KIF6: variants seen among roughly 807,000 people sequenced by gnomAD.
KIF6 encodes kinesin-like protein KIF6.
A neutral mutation model predicts 112.7 loss-of-function variants in KIF6; 106 were observed. The ratio of observed to expected loss-of-function variants is 0.94; its 90% CI spans 0.80 to 1.11. The LOEUF is 1.11. Among genes scored for constraint, KIF6 ranks in the 50% least tolerant of loss-of-function variants. The pLI is 0.00. For synonymous variants in KIF6, 339 were observed against 339.9 expected (o/e 1.00, Z 0.03); for missense variants, 929 against 964.0 (o/e 0.96, Z 0.48).
chr6:39,403,898 A>G (rs1017793769), intron 15 of KIF6, among the ~76,000 whole-genome samples: 1 of 152,238 alleles, frequency 6.6e-6, no homozygotes, highest in African/African-American at 2.4e-5. Flanking sequence ...CTCTAATGCT[A>G]ATGAGGGGGA....
chr6:39,362,571 G>T, intron 16 of KIF6, 53 bp from the exon 17 acceptor site: 2 of 1,330,648 alleles, frequency 1.5e-6, no homozygotes, highest in Non-Finnish European at 2.2e-6. Context: ...AAAAGGAAGA[G>T]TGTGATATTT....
chr6:39,409,883 T>C (rs1769358275), intron 15 of KIF6, among the ~76,000 whole-genome samples: 1 of 152,218 alleles, frequency 6.6e-6, no homozygotes, highest in Non-Finnish European at 1.5e-5. Flanking sequence ...TCAGCATCAC[T>C]GACAAAACCC....
At chr6:39,368,417 G>A (rs1218215984) in intron 16 of KIF6, among the ~76,000 whole-genome samples, 1 of 152,194 alleles carries the variant, frequency 6.6e-6, no homozygotes, top group African/African-American at 2.4e-5. Flanking sequence ...GGCTCTGTCC[G>A]ATTTCAAAGC....
intron 3 of KIF6, among the ~76,000 whole-genome samples, chr6:39,702,937 G>GTA (rs1182554282): frequency 6.6e-6 from 1 of 152,086 alleles, no homozygotes; most frequent in East Asian, 1.9e-4. Context: ...GTTGGATGCA[G>GTA]TAGGTAAAGT....
intron 15 of KIF6, among the ~76,000 whole-genome samples, chr6:39,399,465 A>G (rs991939734): frequency 4.6e-5 from 7 of 152,204 alleles, no homozygotes; most frequent in Non-Finnish European, 1.0e-4. Context: ...TGGCACCCCC[A>G]TTGAGAAACG....
At chr6:39,608,097 AC>A (rs1301407455) in intron 6 of KIF6, among the ~76,000 whole-genome samples, 1 of 152,026 alleles carries the variant, frequency 6.6e-6, no homozygotes, top group African/African-American at 2.4e-5. Flanking sequence ...CCCAACTCAC[AC>A]CCTGTCTCCC....
intron 3 of KIF6, among the ~76,000 whole-genome samples, chr6:39,677,577 A>G (rs951865477): frequency 2.7e-5 from 4 of 147,990 alleles, no homozygotes; most frequent in African/African-American, 1.0e-4. Context: ...ACATGTGCAC[A>G]TTGTGCAGGT....
chr6:39,526,505 A>G (rs1160012200), intron 13 of KIF6, among the ~76,000 whole-genome samples: 1 of 152,188 alleles, frequency 6.6e-6, no homozygotes, highest in Non-Finnish European at 1.5e-5. Context: ...TGAAGACCTT[A>G]ATGGGATCAC....
intron 13 of KIF6, among the ~76,000 whole-genome samples, chr6:39,438,765 A>T (rs1007955488): frequency 6.6e-6 from 1 of 152,254 alleles, no homozygotes; most frequent in African/African-American, 2.4e-5. Flanking sequence ...AAATACACAT[A>T]GTGTACAGTA....
At chr6:39,437,089 G>C (rs1437405251) in intron 13 of KIF6, among the ~76,000 whole-genome samples, 2 of 151,780 alleles carry the variant, frequency 1.3e-5, no homozygotes, top group African/African-American at 2.4e-5. Flanking sequence ...CACCTCATTT[G>C]TTACATATAT....
chr6:39,633,587 C>T (rs72852146), intron 5 of KIF6, among the ~76,000 whole-genome samples: 3,859 of 152,258 alleles, frequency 0.025, 52 homozygotes, highest in Non-Finnish European at 0.036. Flanking sequence ...AAAGTGATTT[C>T]AGTATTTTCA....
chr6:39,410,591 T>C (rs1452944995), intron 15 of KIF6, among the ~76,000 whole-genome samples: 1 of 152,206 alleles, frequency 6.6e-6, no homozygotes, highest in African/African-American at 2.4e-5. Context: ...ATGAAAGCAA[T>C]GGAGGAACTC....
intron 10 of KIF6, among the ~76,000 whole-genome samples, chr6:39,553,575 T>G (rs1321951686): frequency 2.0e-5 from 3 of 152,202 alleles, no homozygotes; most frequent in Non-Finnish European, 4.4e-5. Context: ...TTAAATAAAC[T>G]AAGACAACTT....
intron 15 of KIF6, among the ~76,000 whole-genome samples, chr6:39,389,292 C>T (rs1023668880): frequency 2.6e-5 from 4 of 152,080 alleles, no homozygotes; most frequent in East Asian, 2.0e-4. Flanking sequence ...AGATTATTCA[C>T]GTGAACGCTG....
At chr6:39,691,671 T>C (rs1788219172) in intron 3 of KIF6, 1 of 152,226 alleles carries the variant, frequency 6.6e-6, no homozygotes, top group Admixed American at 6.5e-5. Context: ...AAAACATGTT[T>C]ACATAAGTAA....
chr6:39,349,459 A>AG (rs944167602), intron 19 of KIF6, among the ~76,000 whole-genome samples: 25 of 152,054 alleles, frequency 1.6e-4, no homozygotes, highest in Admixed American at 1.3e-3. Flanking sequence ...GAAAAGGAGA[A>AG]GGGGGATGTA....
chr6:39,603,352 G>A (rs1782679947), intron 6 of KIF6, among the ~76,000 whole-genome samples: 1 of 152,106 alleles, frequency 6.6e-6, no homozygotes, highest in African/African-American at 2.4e-5. Context: ...CAGGAGAGAG[G>A]TGCTAAGGCC....
Position 39,399,436 on chromosome 6 carries a change from G to A in KIF6, c.1811-13764C>T, listed in dbSNP as rs1247874273. 2.6e-5 allele frequency among the ~76,000 whole-genome samples: 4 copies of A among 152,158 alleles called. 1 individual carries two copies. The highest frequency in any genetic ancestry group is 4.1e-4 in the South Asian group (2 of 4,830). On this transcript the variant is annotated intron_variant, in intron 15 of 22. Transcript: ENST00000287152. ...AGCCGGGTCCTGCGACTAAAGAACC[G>A]CCTGTCTCATCAGGCCAATGGCACC...
chr6:39,638,437 A>G (rs1324490919), intron 4 of KIF6, among the ~76,000 whole-genome samples: 1 of 152,140 alleles, frequency 6.6e-6, no homozygotes, highest in Non-Finnish European at 1.5e-5. Flanking sequence ...GAAATGTGGG[A>G]ACAAAACAGG....
Sources: allele counts gnomAD v4.1 joint callset (sites outside exome capture counted in the v4.1 genomes callset), GRCh38; gene constraint gnomAD v4.1.1; transcripts MANE v1.5; gene names NCBI Gene and HGNC (gene_info 2026-07-23, HGNC 2026-07-21).